The following GLCE variants were observed in gnomAD, a reference collection of about 807,000 sequenced individuals.
GLCE encodes the protein glucuronic acid epimerase.
In GLCE, 19 loss-of-function variants were observed where a neutral mutation model predicts 47.9. The ratio of observed to expected loss-of-function variants is 0.40; its 90% CI spans 0.28 to 0.58. The LOEUF is 0.58. Ranked by LOEUF, GLCE falls within the 20% of genes least tolerant of loss-of-function variation. The pLI is 0.48. For missense variants in GLCE, 556 were observed against 743.3 expected (o/e 0.75, Z 2.93); for synonymous variants, 245 against 263.4 (o/e 0.93, Z 0.68).
intron 2 of GLCE, among the ~76,000 whole-genome samples, chr15:69,229,047 A>G (rs2052485461): frequency 6.6e-6 from 1 of 152,232 alleles, no homozygotes; most frequent in South Asian, 2.1e-4. Context: ...AACTAAAAGG[A>G]TTAAAATATA....
At chr15:69,253,920 A>C (rs2052884707) in intron 2 of GLCE, among the ~76,000 whole-genome samples, 1 of 152,244 alleles carries the variant, frequency 6.6e-6, no homozygotes, top group South Asian at 2.1e-4. Context: ...TGGATTCTAC[A>C]ACCTGCCAAA....
intron 1 of GLCE, among the ~76,000 whole-genome samples, chr15:69,180,965 T>C (rs1326168552): frequency 6.6e-6 from 1 of 151,908 alleles, no homozygotes; most frequent in Non-Finnish European, 1.5e-5. Context: ...AGGTGAGAGG[T>C]GATGGCTTGG....
chr15:69,182,861 A>T (rs2051770309), intron 1 of GLCE, among the ~76,000 whole-genome samples: 1 of 152,084 alleles, frequency 6.6e-6, no homozygotes, highest in African/African-American at 2.4e-5. Context: ...AAAAAAATAC[A>T]AAAATTAGTC....
chr15:69,224,901 G>A (rs1314171884), intron 2 of GLCE, among the ~76,000 whole-genome samples: 3 of 152,170 alleles, frequency 2.0e-5, no homozygotes, highest in African/African-American at 7.2e-5. Flanking sequence ...CAGATTCCTG[G>A]TGGTTCCTAC....
rs375012166 is a variant in GLCE, at chr15:69,229,012, A to C, written c.-14+18606A>C. ...ATTTCATTTTCAAGGGATACATGTT[A>C]CATATAAGAACACAAAAAGGTTGAA... On this transcript the variant is annotated intron_variant, in intron 2 of 4. Coordinates refer to ENST00000261858, the MANE Select transcript of GLCE (RefSeq NM_015554.3). Among the ~76,000 whole-genome samples the C allele has an allele frequency of 7.2e-5, 11 of 152,338 alleles. No individual in the cohort carries two copies. The East Asian group carries it at 1.3e-3, about 19-fold the overall frequency.
intron 1 of GLCE, among the ~76,000 whole-genome samples, chr15:69,177,731 C>T (rs1038632786): frequency 1.3e-5 from 2 of 149,292 alleles, no homozygotes; most frequent in Non-Finnish European, 2.9e-5. Flanking sequence ...TACTTCATGC[C>T]GCTTTATCAT....
At chr15:69,214,359 C>A (rs1255543694) in intron 2 of GLCE, among the ~76,000 whole-genome samples, 2 of 152,008 alleles carry the variant, frequency 1.3e-5, no homozygotes, top group African/African-American at 4.8e-5. Context: ...GGGGCAGTGT[C>A]CCCATGCATT....
At chr15:69,258,203 C>T (rs1462576143) in intron 3 of GLCE, among the ~76,000 whole-genome samples, 8 of 151,958 alleles carry the variant, frequency 5.3e-5, no homozygotes, top group Admixed American at 1.3e-4. Flanking sequence ...TGTGTCCATG[C>T]GTTTTCATCA....
rs889349019 is a variant in GLCE at position 69,269,128 on chromosome 15, A to G, written c.1738A>G (p.Thr580Ala). 6.2e-7 allele frequency: 1 copy of G among 1,614,024 alleles called. No individual in the cohort carries two copies. ...TAACCTGGCTCGCTGGGACTATCATACCACCCACATCAATCAGTTGCAGCT... is the reference window on the plus strand; with the variant it reads ...TAACCTGGCTCGCTGGGACTATCATGCCACCCACATCAATCAGTTGCAGCT... ...APNLARWDYHTTHINQLQLLS... is the reference protein window; with the variant it reads ...APNLARWDYHATHINQLQLLS... Residue 580 changes from threonine (T) to alanine (A), a missense_variant, in exon 5 of 5, where the codon ACC becomes GCC. Physicochemically the swap from Thr to Ala is moderately conservative, Grantham distance 58. Transcript: ENST00000261858.
At chr15:69,244,931 C>T (rs536788637) in intron 2 of GLCE, among the ~76,000 whole-genome samples, 3 of 152,282 alleles carry the variant, frequency 2.0e-5, no homozygotes, top group African/African-American at 7.2e-5. Context: ...ATGTGAATAT[C>T]ACAATAAAGT....
intron 2 of GLCE, among the ~76,000 whole-genome samples, chr15:69,242,485 A>G (rs955822386): frequency 1.7e-4 from 26 of 152,188 alleles, no homozygotes; most frequent in African/African-American, 6.0e-4. Context: ...ATATCTATAT[A>G]CTATAGATAT....
chr15:69,256,124 A>C lies in GLCE; in HGVS notation c.318A>C (p.Glu106Asp), dbSNP rs918533273. Residue 106 changes from glutamate (E) to aspartate (D), a missense_variant, in exon 3 of 5, where the codon GAA becomes GAC. Glu to Asp is a conservative substitution (Grantham distance 45). Coordinates refer to ENST00000261858, the MANE Select transcript of GLCE (RefSeq NM_015554.3). ...GSKVLGLKYE[E>D]IDCLINDEHT... The stretch of plus-strand genomic sequence containing the variant: ...AGGTGTTAGGGCTCAAATATGAAGA[A>C]ATTGACTGTCTCATAAATGATGAAC... 5 of 1,614,152 alleles carry C rather than the reference A, an allele frequency of 3.1e-6. No individual in the cohort carries two copies. In the African/African-American group the frequency reaches 6.7e-5, roughly 22 times the overall value.
At chr15:69,178,317 T>A (rs2051702028) in intron 1 of GLCE, among the ~76,000 whole-genome samples, 1 of 152,120 alleles carries the variant, frequency 6.6e-6, no homozygotes, top group African/African-American at 2.4e-5. Flanking sequence ...TAAGAAAATA[T>A]TTTTGGAAAG....
intron 1 of GLCE, among the ~76,000 whole-genome samples, chr15:69,191,713 A>G (rs561386514): frequency 2.6e-5 from 4 of 152,210 alleles, no homozygotes; most frequent in Non-Finnish European, 5.9e-5. Flanking sequence ...CTTCAGGCAC[A>G]GTAAAACACC....
intron 2 of GLCE, among the ~76,000 whole-genome samples, chr15:69,227,934 T>C (rs2052472192): frequency 6.6e-6 from 1 of 152,214 alleles, no homozygotes; most frequent in Non-Finnish European, 1.5e-5. Context: ...AAGTTGCATG[T>C]TTTCTAGGAA....
At chr15:69,208,721 T>A (rs1420086602) in intron 1 of GLCE, among the ~76,000 whole-genome samples, 2 of 152,094 alleles carry the variant, frequency 1.3e-5, no homozygotes, top group African/African-American at 4.8e-5. Context: ...AGAATTGACA[T>A]CTTTACAATG....
rs546688134 is a variant in GLCE at position 69,191,207 on chromosome 15, A to T, written c.-104-19109A>T. ...TAGTATCATTTTTCTTCTGCAAAAAATCTTTCTCAATATTTTTTATTGTGC... is the reference window on the plus strand; with the variant it reads ...TAGTATCATTTTTCTTCTGCAAAAATTCTTTCTCAATATTTTTTATTGTGC... On this transcript the variant is annotated intron_variant, in intron 1 of 4. Transcript: ENST00000261858. Among the ~76,000 whole-genome samples, 26 of 152,206 alleles carry T rather than the reference A, an allele frequency of 1.7e-4. No homozygotes were observed. In the South Asian group the frequency reaches 4.4e-3, roughly 26 times the overall value.
intron 1 of GLCE, among the ~76,000 whole-genome samples, chr15:69,185,835 T>C (rs1174487052): frequency 1.3e-5 from 2 of 152,076 alleles, no homozygotes; most frequent in African/African-American, 4.8e-5. Context: ...CAGTCACAAG[T>C]CCGGGCCACC....
At chr15:69,224,386 A>G (rs2052417564) in intron 2 of GLCE, among the ~76,000 whole-genome samples, 1 of 152,166 alleles carries the variant, frequency 6.6e-6, no homozygotes, top group Non-Finnish European at 1.5e-5. Flanking sequence ...CCATATTTAC[A>G]GTTGTTTTTG....
Sources: allele counts gnomAD v4.1 joint callset (sites outside exome capture counted in the v4.1 genomes callset), GRCh38; gene constraint gnomAD v4.1.1; transcripts MANE v1.5; gene names NCBI Gene and HGNC (gene_info 2026-07-23, HGNC 2026-07-21).